Variants in HEMK2 observed in about 807,000 individuals in gnomAD.
The protein encoded by HEMK2 is methyltransferase HEMK2.
At chr21:28,834,216 A>G in the HEMK2 span, among the ~76,000 whole-genome samples, 19 of 152,176 alleles carry the variant, frequency 1.2e-4, no homozygotes, top group Non-Finnish European at 2.5e-4. Flanking sequence ...TGCATTGTGA[A>G]TTTTAGCTCC....
the HEMK2 span, chr21:28,883,002 G>T: frequency 1.9e-6 from 3 of 1,601,116 alleles, no homozygotes; most frequent in Non-Finnish European, 2.6e-6. Flanking sequence ...AAGCCTGAGG[G>T]CCTATCATAG....
the HEMK2 span, among the ~76,000 whole-genome samples, chr21:28,727,693 T>C: frequency 6.6e-6 from 1 of 152,238 alleles, no homozygotes. Flanking sequence ...TGCCTGTGCA[T>C]GGACTTATTA....
At chr21:28,669,583 T>A in the HEMK2 span, among the ~76,000 whole-genome samples, 1 of 152,140 alleles carries the variant, frequency 6.6e-6, no homozygotes. Context: ...TCTTGATCTG[T>A]ACCTTGAGAA....
At chr21:28,620,607 G>A in the HEMK2 span, among the ~76,000 whole-genome samples, 1 of 147,254 alleles carries the variant, frequency 6.8e-6, no homozygotes, top group African/African-American at 2.5e-5. Context: ...GGGATCAGTG[G>A]TGATATTCCC....
the HEMK2 span, among the ~76,000 whole-genome samples, chr21:28,677,945 G>GA: frequency 6.6e-6 from 1 of 152,162 alleles, no homozygotes; most frequent in Non-Finnish European, 1.5e-5. Flanking sequence ...CAAAGATGGG[G>GA]AAAAAACAGC....
the HEMK2 span, among the ~76,000 whole-genome samples, chr21:28,608,439 G>A: frequency 6.6e-6 from 1 of 151,724 alleles, no homozygotes; most frequent in Non-Finnish European, 1.5e-5. Context: ...CTGATAGGAG[G>A]TAGGACTAAA....
the HEMK2 span, among the ~76,000 whole-genome samples, chr21:28,869,408 C>T: frequency 6.6e-6 from 1 of 151,944 alleles, no homozygotes; most frequent in Non-Finnish European, 1.5e-5. Context: ...ATGTGGTTGG[C>T]CTGTCACTTT....
At chr21:28,863,199 A>C in the HEMK2 span, among the ~76,000 whole-genome samples, 1 of 151,844 alleles carries the variant, frequency 6.6e-6, no homozygotes, top group African/African-American at 2.4e-5. Flanking sequence ...GCATGGCTAG[A>C]ATATAAGCAG....
the HEMK2 span, among the ~76,000 whole-genome samples, chr21:28,741,299 T>C: frequency 7.2e-5 from 11 of 152,318 alleles, no homozygotes; most frequent in South Asian, 4.1e-4. Flanking sequence ...TTGAAACATA[T>C]GGGGAAAGCA....
chr21:28,882,180 G>A, the HEMK2 span: 1 of 1,584,074 alleles, frequency 6.3e-7, no homozygotes, highest in Non-Finnish European at 8.5e-7. Flanking sequence ...ATAACTGGTT[G>A]AATGTGAACT....
chr21:28,669,469 C>T, the HEMK2 span, among the ~76,000 whole-genome samples: 2 of 152,134 alleles, frequency 1.3e-5, no homozygotes, highest in Admixed American at 1.3e-4. Context: ...CCACTGTTTC[C>T]CTACCTTGTG....
At chr21:28,619,889 G>A in the HEMK2 span, among the ~76,000 whole-genome samples, 12 of 152,148 alleles carry the variant, frequency 7.9e-5, no homozygotes, top group African/African-American at 1.7e-4. Context: ...ACATGACTTC[G>A]TAAATCTAAG....
chr21:28,643,033 A>C, the HEMK2 span, among the ~76,000 whole-genome samples: 4 of 152,022 alleles, frequency 2.6e-5, no homozygotes, highest in Non-Finnish European at 4.4e-5. Flanking sequence ...ATAGTACTAG[A>C]AGCTTGGGCC....
At chr21:28,640,166 G>T in the HEMK2 span, among the ~76,000 whole-genome samples, 1 of 152,216 alleles carries the variant, frequency 6.6e-6, no homozygotes, top group African/African-American at 2.4e-5. Context: ...GGGGAGGGAA[G>T]ATATCAAGCT....
the HEMK2 span, among the ~76,000 whole-genome samples, chr21:28,605,944 T>C: frequency 6.6e-6 from 1 of 152,188 alleles, no homozygotes; most frequent in Non-Finnish European, 1.5e-5. Flanking sequence ...CTTGACCTGT[T>C]AGTGACTTTC....
At chr21:28,725,570 C>T in the HEMK2 span, among the ~76,000 whole-genome samples, 1 of 152,138 alleles carries the variant, frequency 6.6e-6, no homozygotes, top group South Asian at 2.1e-4. Context: ...TCCAGGGATA[C>T]CAGACAAGAG....
chr21:28,739,148 A>G, the HEMK2 span, among the ~76,000 whole-genome samples: 71 of 152,340 alleles, frequency 4.7e-4, no homozygotes, highest in African/African-American at 1.7e-3. Context: ...GCAAAAGTAC[A>G]TTGACATGCG....
At chr21:28,784,252 G>A in the HEMK2 span, among the ~76,000 whole-genome samples, 1 of 152,220 alleles carries the variant, frequency 6.6e-6, no homozygotes, top group Admixed American at 6.5e-5. Flanking sequence ...GAACCTTTAT[G>A]TCTAGCTAAG....
chr21:28,845,164 T>C, the HEMK2 span, among the ~76,000 whole-genome samples: 1 of 152,094 alleles, frequency 6.6e-6, no homozygotes, highest in African/African-American at 2.4e-5. Context: ...GATCCTCTTT[T>C]CTTTTCTTCC....
Sources: gnomAD v4.1 joint callset for allele counts (sites outside exome capture counted in the v4.1 genomes callset) on GRCh38, gnomAD v4.1.1 for gene constraint, MANE v1.5 for transcripts, NCBI Gene and HGNC (gene_info 2026-07-23, HGNC 2026-07-21) for gene names.